Variants in SETX observed in about 807,000 individuals in gnomAD.
SETX encodes the protein helicase senataxin.
SETX carries 90 observed loss-of-function variants against 227.2 expected under a neutral mutation model. The ratio of observed to expected loss-of-function variants is 0.40; its 90% CI spans 0.33 to 0.47. The LOEUF (loss-of-function observed/expected upper bound fraction) is 0.47, where lower values mean the gene tolerates loss of function less well. Ranked by LOEUF, SETX falls within the 20% of genes least tolerant of loss-of-function variation. The probability of loss-of-function intolerance (pLI) is 0.91; values close to 1 mark genes in which losing one functional copy is unlikely to be tolerated. For synonymous variants in SETX, 1,210 were observed against 1,113.2 expected (o/e 1.09, Z -1.73); for missense variants, 3,052 against 3,181.5 (o/e 0.96, Z 0.98).
intron 10 of SETX, among the ~76,000 whole-genome samples, chr9:132,323,628 G>A (rs146642324): frequency 7.2e-5 from 11 of 152,294 alleles, no homozygotes; most frequent in African/African-American, 2.2e-4. Flanking sequence ...AAGGCCAGGC[G>A]GGATGGCTCA....
intron 10 of SETX, among the ~76,000 whole-genome samples, chr9:132,318,975 T>G (rs1846166382): frequency 6.6e-6 from 1 of 152,198 alleles, no homozygotes; most frequent in African/African-American, 2.4e-5. Context: ...TCACAATATG[T>G]ATCAGTTTAA....
rs2131113303 is a variant in SETX at position 132,264,689 on chromosome 9, T to G, written c.7584A>C (p.Glu2528Asp). The G allele has an allele frequency of 6.2e-7, 1 of 1,614,220 alleles. No individual in the cohort carries two copies. The highest frequency in any genetic ancestry group is 1.1e-5 in the South Asian group (1 of 91,086). Residue 2528 changes from glutamate to aspartate, a missense_variant, in exon 26 of 26, where the codon GAA becomes GAC. Glu to Asp is a conservative substitution (Grantham distance 45, BLOSUM62 2). Transcript: ENST00000224140. ...ITLTVTSKDP[E>D]RPPVHDQLQD... ...GAAGTTGGTCATGAACAGGAGGTCT[T>G]TCAGGGTCCTTTGAAGTAACAGTAA...
chr9:132,325,338 A>G (rs1246242247), intron 10 of SETX, among the ~76,000 whole-genome samples: 1 of 152,148 alleles, frequency 6.6e-6, no homozygotes, highest in Non-Finnish European at 1.5e-5. Context: ...CCTGGGCGAC[A>G]GAGCGAGACT....
At chr9:132,283,898 CCT>C (rs1435270403) in intron 18 of SETX, among the ~76,000 whole-genome samples, 1 of 152,124 alleles carries the variant, frequency 6.6e-6, no homozygotes, top group African/African-American at 2.4e-5. Context: ...CCTGACAAAT[CCT>C]CTATTTCCAC....
At chr9:132,323,668 A>G (rs944226502) in intron 10 of SETX, among the ~76,000 whole-genome samples, 3 of 152,146 alleles carry the variant, frequency 2.0e-5, no homozygotes, top group African/African-American at 7.2e-5. Context: ...TTGAGAGGCA[A>G]AGGCAGGTGG....
chr9:132,334,730 G>A lies in SETX; in HGVS notation c.719-3C>T, dbSNP rs765255911. The A allele has an allele frequency of 1.9e-6, 3 of 1,613,898 alleles. No homozygotes were observed. Among genetic ancestry groups the A allele is most frequent in the Admixed American group, 1.7e-5 (1 of 60,016 alleles). On this transcript the variant is annotated splice_polypyrimidine_tract_variant and splice_region_variant and intron_variant, in intron 6 of 25. Transcript: ENST00000224140. ...AATGGTCAGCAACATGCAAATACCT[G>A]TAAGATCATTTAGAGTTATCTTGAA...
chr9:132,349,336 T>C lies in SETX; in HGVS notation c.93A>G (p.Gln31=), dbSNP rs201795631. The C allele has an allele frequency of 4.3e-6, 7 of 1,613,992 alleles. No homozygotes were observed. Among genetic ancestry groups the C allele is most frequent in the African/African-American group, 2.7e-5 (2 of 74,890 alleles). The change falls in exon 3 of 26, where the codon CAA becomes CAG. Residue 31 remains glutamine (Q), a synonymous_variant. Coordinates refer to ENST00000224140, the MANE Select transcript of SETX (RefSeq NM_015046.7). ...YASNTPSGEF[Q]TADEDLCYCL... ...AGTAGCAGAGGTCTTCGTCGGCTGT[T>C]TGAAATTCACCGGACGGAGTGTTGG... is the stretch of plus-strand genomic sequence containing the variant.
chr9:132,326,592 C>G lies in SETX; in HGVS notation c.5006G>C (p.Arg1669Thr), dbSNP rs1846785634. 5.0e-6 allele frequency: 8 copies of G among 1,614,074 alleles called. No homozygotes were observed. Among genetic ancestry groups the G allele is most frequent in the Non-Finnish European group, 5.9e-6 (7 of 1,180,040 alleles). The change falls in exon 10 of 26, where the codon AGG (arginine) becomes ACG (threonine). Residue 1669 changes from arginine (R) to threonine (T), a missense_variant. Physicochemically the swap from Arg to Thr is moderately conservative, Grantham distance 71. This residue lies in a region of SETX where 1,483 missense variants were observed against 1,312.0 expected (regional missense o/e 1.13). Coordinates refer to ENST00000224140, the MANE Select transcript of SETX (RefSeq NM_015046.7). ...LHPQSPNNSNRQGCKVPFGES... is the reference protein window; with the variant it reads ...LHPQSPNNSNTQGCKVPFGES... ...ACCAAATGGAACTTTGCAACCTTGC[C>G]TGTTGGAATTATTCGGAGACTGAGG... is the stretch of plus-strand genomic sequence containing the variant.
chr9:132,352,894 A>G (rs1157167183), intron 2 of SETX, among the ~76,000 whole-genome samples: 3 of 152,140 alleles, frequency 2.0e-5, no homozygotes, highest in Non-Finnish European at 4.4e-5. Context: ...GAATTATCCT[A>G]TACGCTCCTT....
At chr9:132,273,177 T>G (rs1276556327) in intron 23 of SETX, among the ~76,000 whole-genome samples, 1 of 151,070 alleles carries the variant, frequency 6.6e-6, no homozygotes, top group East Asian at 2.0e-4. Context: ...TTTTTTTTGT[T>G]TTGAGATGGA....
chr9:132,338,605 A>G (rs962274036), intron 5 of SETX, among the ~76,000 whole-genome samples: 1 of 152,186 alleles, frequency 6.6e-6, no homozygotes, highest in African/African-American at 2.4e-5. Flanking sequence ...AAAATGGTAT[A>G]TCATTGTGGT....
In SETX at chr9:132,327,492, T is replaced by G. The variant is rs1323815125; in HGVS notation, c.4106A>C (p.Glu1369Ala). 6.2e-7 allele frequency: 1 copy of G among 1,614,182 alleles called. No individual in the cohort carries two copies. Among genetic ancestry groups the G allele is most frequent in the Admixed American group, 1.7e-5 (1 of 60,030 alleles). ...QKNRRRLSDC[E>A]STDVKRAGSH... is the part of the protein sequence containing the mutation. ...CCCTGCTCTTTTAACATCTGTACTT[T>G]CACAATCAGAAAGTCTTCGTCTATT... is the stretch of plus-strand genomic sequence containing the variant. Residue 1369 changes from glutamate to alanine, a missense_variant, in exon 10 of 26, where the codon GAA becomes GCA. By Grantham distance (107) the Glu-to-Ala change is moderately radical (BLOSUM62 -1). This residue lies in a region of SETX where 1,483 missense variants were observed against 1,312.0 expected (regional missense o/e 1.13). Coordinates refer to ENST00000224140, the MANE Select transcript of SETX (RefSeq NM_015046.7).
chr9:132,315,945 G>A (rs77352120), intron 10 of SETX, among the ~76,000 whole-genome samples: 3 of 152,090 alleles, frequency 2.0e-5, no homozygotes, highest in Non-Finnish European at 4.4e-5. Flanking sequence ...TTAGACAAAT[G>A]GTAATCTACC....
chr9:132,270,893 C>G (rs1034226261), intron 24 of SETX, among the ~76,000 whole-genome samples: 2 of 152,050 alleles, frequency 1.3e-5, no homozygotes, highest in Non-Finnish European at 2.9e-5. Context: ...ATAAACTGAC[C>G]CTGAGATACA....
chr9:132,344,477 C>G (rs1848175956), intron 4 of SETX, among the ~76,000 whole-genome samples: 1 of 152,124 alleles, frequency 6.6e-6, no homozygotes, highest in East Asian at 1.9e-4. Flanking sequence ...GAACTATGTA[C>G]CAAATGCAAT....
upstream of SETX, among the ~76,000 whole-genome samples, chr9:132,355,252 GC>G (rs1848853747): frequency 6.6e-6 from 1 of 152,094 alleles, no homozygotes; most frequent in Non-Finnish European, 1.5e-5. Context: ...CCTCGGCCCC[GC>G]CCGGGGCTTC....
upstream of SETX, among the ~76,000 whole-genome samples, chr9:132,355,658 A>T (rs140110981): frequency 6.6e-6 from 1 of 151,602 alleles, no homozygotes; most frequent in Non-Finnish European, 1.5e-5. Flanking sequence ...TGTGCAACAT[A>T]GCGAGACACC....
chr9:132,326,761 A>G lies in SETX; in HGVS notation c.4837T>C (p.Ser1613Pro). The change falls in exon 10 of 26, where the codon TCT becomes CCT. Residue 1613 changes from serine (S) to proline (P), a missense_variant. Ser to Pro is a moderately conservative substitution (Grantham distance 74, BLOSUM62 -1). Coordinates refer to ENST00000224140, the MANE Select transcript of SETX (RefSeq NM_015046.7). ...GAAAGTGCTGAAGAAGTTTCCAAAGATTTAGAAAGACCAGCAATTCGTGAA... is the reference window on the plus strand; with the variant it reads ...GAAAGTGCTGAAGAAGTTTCCAAAGGTTTAGAAAGACCAGCAATTCGTGAA... ...STSRIAGLSK[S>P]LETSSALSPS... 6.2e-7 allele frequency: 1 copy of G among 1,614,240 alleles called. No individual in the cohort carries two copies. The highest frequency in any genetic ancestry group is 8.5e-7 in the Non-Finnish European group (1 of 1,180,044).
chr9:132,298,233 A>G lies in SETX; in HGVS notation c.5628T>C (p.Asn1876=), dbSNP rs776620174. 13 of 1,614,130 alleles carry G rather than the reference A, an allele frequency of 8.1e-6. No individual in the cohort carries two copies. The highest frequency in any genetic ancestry group is 1.1e-5 in the South Asian group (1 of 91,082). Residue 1876 remains asparagine, a synonymous_variant, in exon 13 of 26, where the codon AAT becomes AAC. Coordinates refer to ENST00000224140, the MANE Select transcript of SETX (RefSeq NM_015046.7). The part of the protein sequence containing the change: ...NFPANLNELV[N]CIVISSLVTT... ...TTACCAGAGAACTGATTACAATACA[A>G]TTCACAAGTTCGTTTAAATTGGCCG...
Sources: allele counts gnomAD v4.1 joint callset (sites outside exome capture counted in the v4.1 genomes callset), GRCh38; gene constraint gnomAD v4.1.1; regional missense constraint gnomAD v4.1.1; transcripts MANE v1.5; gene names NCBI Gene and HGNC (gene_info 2026-07-23, HGNC 2026-07-21).